MAPK10: variants seen among roughly 807,000 people sequenced by gnomAD.
MAPK10 encodes JNK3 alpha protein kinase.
Under a neutral mutation model 59.3 loss-of-function variants are expected in MAPK10, and 25 were observed. That is an observed-to-expected ratio of 0.42 (90% CI 0.31 to 0.59). MAPK10 has a LOEUF of 0.59. Among genes scored for constraint, MAPK10 ranks in the 20% least tolerant of loss-of-function variants. The probability of loss-of-function intolerance (pLI) is 0.15; values close to 1 mark genes in which losing one functional copy is unlikely to be tolerated. For missense variants in MAPK10, 351 were observed against 568.9 expected, an observed-to-expected ratio of 0.62 and a Z score of 3.90; for synonymous variants, 190 against 200.5, an observed-to-expected ratio of 0.95 and a Z score of 0.44.
chr4:86,168,814 C>G (rs1012200069), intron 3 of MAPK10, among the ~76,000 whole-genome samples: 6 of 152,290 alleles, frequency 3.9e-5, no homozygotes, highest in Non-Finnish European at 7.4e-5. Flanking sequence ...AGGCACCCCC[C>G]AGTAGGGGCA....
chr4:86,023,098 A>AT (rs1193940579), intron 13 of MAPK10, among the ~76,000 whole-genome samples: 2 of 152,134 alleles, frequency 1.3e-5, no homozygotes, highest in Non-Finnish European at 2.9e-5. Flanking sequence ...TCTATGATTC[A>AT]TTTTTAGTTC....
intron 2 of MAPK10, among the ~76,000 whole-genome samples, chr4:86,212,205 C>G (rs567146446): frequency 6.6e-6 from 1 of 151,936 alleles, no homozygotes; most frequent in Non-Finnish European, 1.5e-5. Context: ...GAGAGATTTG[C>G]TTTAGATCCA....
intron 2 of MAPK10, among the ~76,000 whole-genome samples, chr4:86,319,366 C>T (rs1233270619): frequency 6.6e-6 from 1 of 152,138 alleles, no homozygotes; most frequent in African/African-American, 2.4e-5. Context: ...CATTCCTCAC[C>T]TAGCAAGGAT....
In MAPK10 at chr4:86,113,500, C is replaced by T. The variant is rs549477421; in HGVS notation, c.237-6148G>A. ...GATTAGTGTGGCCAGATATGAAATT[C>T]TGGGTTGGAAACTCTTTTCTTTAAG... On this transcript the variant is annotated intron_variant, in intron 4 of 13. Transcript: ENST00000641462. 3.2e-3 allele frequency among the ~76,000 whole-genome samples: 486 copies of T among 152,252 alleles called. 1 individual carries two copies. Among genetic ancestry groups the T allele is most frequent in the Admixed American group, 5.5e-3 (84 of 15,302 alleles).
intron 4 of MAPK10, among the ~76,000 whole-genome samples, chr4:86,122,214 T>G (rs548064625): frequency 6.6e-6 from 1 of 152,122 alleles, no homozygotes; most frequent in Non-Finnish European, 1.5e-5. Context: ...ATTGTCATGG[T>G]AGAAAAAGAC....
At chr4:86,330,140 C>T (rs868711173) in intron 2 of MAPK10, among the ~76,000 whole-genome samples, 3 of 152,098 alleles carry the variant, frequency 2.0e-5, no homozygotes, top group Admixed American at 6.6e-5. Context: ...GTGCTGTGTC[C>T]GTTCAGAATA....
chr4:86,282,467 C>T (rs2094843964), intron 2 of MAPK10, among the ~76,000 whole-genome samples: 1 of 152,036 alleles, frequency 6.6e-6, no homozygotes, highest in South Asian at 2.1e-4. Flanking sequence ...ATTTAGTCAA[C>T]TGCAAACTAG....
intron 2 of MAPK10, among the ~76,000 whole-genome samples, chr4:86,263,091 C>T (rs1428166010): frequency 6.6e-6 from 1 of 152,180 alleles, no homozygotes; most frequent in Non-Finnish European, 1.5e-5. Flanking sequence ...CACTAACTAT[C>T]ATCTCCAGGT....
chr4:86,096,976 T>C (rs1408485645), intron 9 of MAPK10, among the ~76,000 whole-genome samples: 1 of 151,822 alleles, frequency 6.6e-6, no homozygotes, highest in East Asian at 1.9e-4. Flanking sequence ...CACTGTCCAA[T>C]AGAAAAATGA....
In MAPK10 at chr4:86,013,230, ATAAC is replaced by A. The variant is rs1299432427; in HGVS notation, c.*3994_*3997del. ...TCTAATCACAAAGAAAATAGCTAAA[ATAAC>A]TATTTACATTGCAACTTTTTTGTTG... On this transcript the variant is annotated 3_prime_UTR_variant, in exon 14 of 14. Coordinates refer to ENST00000641462, the MANE Select transcript of MAPK10 (RefSeq NM_138982.4). The A allele has an allele frequency of 6.6e-6, 1 of 152,232 alleles. No individual in the cohort carries two copies. The highest frequency in any genetic ancestry group is 1.5e-5 in the Non-Finnish European group (1 of 68,032). 9.4% of individuals were successfully genotyped at this position (152,232 alleles called of 1,614,324 possible).
intron 1 of MAPK10, among the ~76,000 whole-genome samples, chr4:86,472,173 C>T (rs1374332950): frequency 6.6e-6 from 1 of 152,106 alleles, no homozygotes; most frequent in Non-Finnish European, 1.5e-5. Flanking sequence ...GAGAAGCACA[C>T]AAACATTTGA....
rs188002383 is a variant in MAPK10 at position 86,112,272 on chromosome 4, C to T, written c.237-4920G>A. Among the ~76,000 whole-genome samples the T allele has an allele frequency of 1.1e-3, 161 of 151,520 alleles. 2 individuals are homozygous for T. Among genetic ancestry groups the T allele is most frequent in the Admixed American group, 0.01 (157 of 15,188 alleles). On this transcript the variant is annotated intron_variant, in intron 4 of 13. Coordinates refer to ENST00000641462, the MANE Select transcript of MAPK10 (RefSeq NM_138982.4). ...TTCTGCTAGCTTTGGGGTTTGTTTT[C>T]TCTTAGTTTTCTAGTTATTTTAGTT...
intron 2 of MAPK10, among the ~76,000 whole-genome samples, chr4:86,231,187 T>C (rs1165472180): frequency 6.6e-6 from 1 of 151,914 alleles, no homozygotes; most frequent in Non-Finnish European, 1.5e-5. Flanking sequence ...ATGAGTTCTT[T>C]ATTATTACCT....
chr4:86,526,189 A>G (rs908435311), intron 1 of MAPK10, among the ~76,000 whole-genome samples: 3 of 152,152 alleles, frequency 2.0e-5, no homozygotes, highest in Non-Finnish European at 4.4e-5. Flanking sequence ...CTGTAAATCC[A>G]TCTTATCCAG....
chr4:86,347,866 T>G (rs1373629453), intron 2 of MAPK10, among the ~76,000 whole-genome samples: 5 of 152,112 alleles, frequency 3.3e-5, no homozygotes, highest in African/African-American at 1.2e-4. Flanking sequence ...GACTTCAACA[T>G]AAGAATTTGG....
chr4:86,187,534 C>T (rs1182202608), intron 3 of MAPK10, among the ~76,000 whole-genome samples: 2 of 151,994 alleles, frequency 1.3e-5, no homozygotes, highest in Non-Finnish European at 2.9e-5. Context: ...CAGTAGGTGA[C>T]TGAAACTGTG....
chr4:86,153,831 C>A (rs955328340), intron 4 of MAPK10, among the ~76,000 whole-genome samples: 4 of 152,140 alleles, frequency 2.6e-5, no homozygotes, highest in Admixed American at 1.3e-4. Flanking sequence ...CCATCACCAC[C>A]TTAAACCTGC....
At chr4:86,302,424 G>C (rs1216448694) in intron 2 of MAPK10, among the ~76,000 whole-genome samples, 3 of 152,182 alleles carry the variant, frequency 2.0e-5, no homozygotes, top group Non-Finnish European at 4.4e-5. Context: ...ACAGAAGCCA[G>C]ACATTTGGCA....
At chr4:86,274,603 A>G (rs2094522111) in intron 2 of MAPK10, among the ~76,000 whole-genome samples, 1 of 151,322 alleles carries the variant, frequency 6.6e-6, no homozygotes, top group African/African-American at 2.4e-5. Flanking sequence ...ATCCTCTGCT[A>G]TTCTCTTTTT....
Sources: allele counts gnomAD v4.1 joint callset (sites outside exome capture counted in the v4.1 genomes callset), GRCh38; gene constraint gnomAD v4.1.1; transcripts MANE v1.5; gene names NCBI Gene and HGNC (gene_info 2026-07-23, HGNC 2026-07-21).